Variants in ZNF385D observed in about 807,000 individuals in gnomAD.
The protein encoded by ZNF385D is zinc finger protein 659.
In ZNF385D, 15 loss-of-function variants were observed where a neutral mutation model predicts 35.8. The observed-to-expected ratio is 0.42, with a 90% confidence interval of 0.28 to 0.64. The LOEUF is 0.64. ZNF385D is among the 30% of genes least tolerant of loss of function. The pLI is 0.23. For synonymous variants in ZNF385D, 212 were observed against 186.8 expected (o/e 1.13, Z -1.10); for missense variants, 474 against 494.6 (o/e 0.96, Z 0.39).
intron 2 of ZNF385D, among the ~76,000 whole-genome samples, chr3:22,233,333 C>G (rs1264871622): frequency 6.6e-6 from 1 of 151,908 alleles, no homozygotes; most frequent in Non-Finnish European, 1.5e-5. Flanking sequence ...AGGGTAAGTA[C>G]TATATTATTT....
At chr3:22,061,652 A>G (rs1699692577) in intron 3 of ZNF385D, among the ~76,000 whole-genome samples, 1 of 152,154 alleles carries the variant, frequency 6.6e-6, no homozygotes, top group Non-Finnish European at 1.5e-5. Flanking sequence ...CCATACAATG[A>G]GTGTCGATTC....
intron 3 of ZNF385D, among the ~76,000 whole-genome samples, chr3:22,012,024 T>C (rs1045432869): frequency 2.0e-5 from 3 of 152,172 alleles, no homozygotes; most frequent in Non-Finnish European, 4.4e-5. Flanking sequence ...TCAGTACATG[T>C]GCATGATATT....
At chr3:22,147,266 A>T (rs934544635) in intron 3 of ZNF385D, among the ~76,000 whole-genome samples, 8 of 152,170 alleles carry the variant, frequency 5.3e-5, no homozygotes, top group Non-Finnish European at 7.3e-5. Flanking sequence ...TTCCTTGAAT[A>T]ACCATGTCTC....
In ZNF385D at chr3:21,505,643, G is replaced by T. The variant is rs568038367; in HGVS notation, c.439+5218C>A. ...CATAACTACAGCCTTGACTGGACAA[G>T]AAATCGACTTCAGTAACTTTCTCTT... On this transcript the variant is annotated intron_variant, in intron 4 of 7. Coordinates refer to ENST00000281523, the MANE Select transcript of ZNF385D (RefSeq NM_024697.3). Among the ~76,000 whole-genome samples, 15 of 152,154 alleles carry T rather than the reference G, an allele frequency of 9.9e-5. No individual in the cohort carries two copies. In the East Asian group the frequency reaches 2.7e-3, roughly 28 times the overall value.
At chr3:22,044,415 G>A (rs1404656084) in intron 3 of ZNF385D, among the ~76,000 whole-genome samples, 3 of 151,990 alleles carry the variant, frequency 2.0e-5, no homozygotes, top group African/African-American at 4.8e-5. Flanking sequence ...CACTGTGTTT[G>A]GGGGATAGAG....
chr3:21,721,227 G>A (rs1043052783), intron 1 of ZNF385D, among the ~76,000 whole-genome samples: 12 of 152,268 alleles, frequency 7.9e-5, no homozygotes, highest in East Asian at 1.9e-4. Flanking sequence ...TACTCTGTAC[G>A]TTCCAAGACT....
At chr3:21,942,058 G>A (rs547530017) in intron 3 of ZNF385D, among the ~76,000 whole-genome samples, 22 of 151,970 alleles carry the variant, frequency 1.4e-4, no homozygotes, top group Non-Finnish European at 2.9e-4. Context: ...CATGTGTATT[G>A]TCAAATGTAT....
intron 3 of ZNF385D, among the ~76,000 whole-genome samples, chr3:21,955,436 C>A (rs1475019641): frequency 6.6e-6 from 1 of 152,036 alleles, no homozygotes; most frequent in African/African-American, 2.4e-5. Context: ...TATCCATCTC[C>A]CCAATTCTGG....
intron 3 of ZNF385D, among the ~76,000 whole-genome samples, chr3:21,903,739 A>G (rs1345245725): frequency 6.6e-6 from 1 of 152,166 alleles, no homozygotes; most frequent in East Asian, 1.9e-4. Context: ...AAGCAATAGA[A>G]ATAATGAAGT....
intron 1 of ZNF385D, among the ~76,000 whole-genome samples, chr3:21,708,886 C>A (rs1361469430): frequency 6.6e-6 from 1 of 151,608 alleles, no homozygotes; most frequent in African/African-American, 2.4e-5. Context: ...CACACACACA[C>A]TAACAACAAC....
intron 3 of ZNF385D, among the ~76,000 whole-genome samples, chr3:21,904,365 A>T (rs1008403609): frequency 6.6e-6 from 1 of 151,748 alleles, no homozygotes; most frequent in Admixed American, 6.6e-5. Flanking sequence ...TTTAACTATG[A>T]AGAGTATATA....
chr3:21,772,272 T>A (rs1195532091), intron 3 of ZNF385D, among the ~76,000 whole-genome samples: 1 of 151,864 alleles, frequency 6.6e-6, no homozygotes, highest in Non-Finnish European at 1.5e-5. Flanking sequence ...AAAGATACTA[T>A]CAGCAGAGTA....
intron 3 of ZNF385D, among the ~76,000 whole-genome samples, chr3:22,030,889 G>C (rs1296503725): frequency 1.3e-5 from 2 of 152,188 alleles, no homozygotes; most frequent in African/African-American, 4.8e-5. Flanking sequence ...AGACACAGTG[G>C]AGGTACAGGC....
intron 1 of ZNF385D, among the ~76,000 whole-genome samples, chr3:21,689,187 A>C (rs1352836757): frequency 6.6e-6 from 1 of 151,824 alleles, no homozygotes; most frequent in Non-Finnish European, 1.5e-5. Flanking sequence ...GTCGTATCTC[A>C]GAGCAGTTAA....
chr3:22,179,998 G>C lies in ZNF385D; in HGVS notation c.107-10963C>G, dbSNP rs547687297. On this transcript the variant is annotated intron_variant, in intron 2 of 5. Transcript: ENST00000494108. The stretch of plus-strand genomic sequence containing the variant: ...CTTCAAAAAATCAATGAATCCAGGA[G>C]CTGGTTTTTTGAAAAGATCAACAAA... Among the ~76,000 whole-genome samples the C allele has an allele frequency of 2.6e-5, 4 of 152,280 alleles. No individual in the cohort carries two copies. The East Asian group carries it at 7.7e-4, about 29-fold the overall frequency.
At chr3:21,793,748 G>T (rs1176784483) in intron 3 of ZNF385D, among the ~76,000 whole-genome samples, 1 of 152,162 alleles carries the variant, frequency 6.6e-6, no homozygotes, top group Non-Finnish European at 1.5e-5. Context: ...CCCAGTGAAA[G>T]AAAAGCACAT....
chr3:21,986,554 C>G (rs1490558297), intron 3 of ZNF385D, among the ~76,000 whole-genome samples: 1 of 146,928 alleles, frequency 6.8e-6, no homozygotes, highest in Non-Finnish European at 1.5e-5. Flanking sequence ...AATTTCTGTT[C>G]TTTTACATTT....
chr3:21,490,764 G>C (rs866334703), intron 4 of ZNF385D, among the ~76,000 whole-genome samples: 1 of 149,658 alleles, frequency 6.7e-6, no homozygotes. Flanking sequence ...TTGGGTTTAT[G>C]AGACTTGGCT....
At chr3:21,885,572 AATT>A (rs1698496895) in intron 3 of ZNF385D, among the ~76,000 whole-genome samples, 1 of 152,040 alleles carries the variant, frequency 6.6e-6, no homozygotes, top group Admixed American at 6.6e-5. Context: ...ACCAAGAAAG[AATT>A]ATGTGAGAAT....
Sources: gnomAD v4.1 joint callset for allele counts (sites outside exome capture counted in the v4.1 genomes callset) on GRCh38, gnomAD v4.1.1 for gene constraint, MANE v1.5 for transcripts, NCBI Gene and HGNC (gene_info 2026-07-23, HGNC 2026-07-21) for gene names.